The following ZNF776 variants were observed in gnomAD, a reference collection of about 807,000 sequenced individuals.
The protein encoded by ZNF776 is zinc finger protein 776.
Under a neutral mutation model 7.0 loss-of-function variants are expected in ZNF776, and 4 were observed. The ratio of observed to expected loss-of-function variants is 0.57; its 90% CI spans 0.28 to 1.31. The LOEUF (loss-of-function observed/expected upper bound fraction) is 1.31. Among genes scored for constraint, ZNF776 ranks in the 50% most tolerant of loss-of-function variants. The probability of loss-of-function intolerance (pLI) is 0.10; values close to 1 mark genes in which losing one functional copy is unlikely to be tolerated. For synonymous variants in ZNF776, 212 were observed against 213.7 expected (o/e 0.99, Z 0.07); for missense variants, 555 against 625.9 (o/e 0.89, Z 1.21).
Position 57,756,139 on chromosome 19 carries a change from C to T in ZNF776, c.*1452C>T, listed in dbSNP as rs936959165. 2 of 152,136 alleles carry T rather than the reference C, an allele frequency of 1.3e-5. No homozygotes were observed. Among genetic ancestry groups the T allele is most frequent in the African/African-American group, 4.8e-5 (2 of 41,426 alleles). 9.4% of individuals were successfully genotyped at this position (152,136 alleles called of 1,614,324 possible). ...GTGTTGGGCTGCATTCAAAGCTGTCCTGAGATACATGCGGCCCACAAGCTG... is the reference window on the plus strand; with the variant it reads ...GTGTTGGGCTGCATTCAAAGCTGTCTTGAGATACATGCGGCCCACAAGCTG... On this transcript the variant is annotated 3_prime_UTR_variant, in exon 3 of 3. Transcript: ENST00000317178.
intron 1 of ZNF776, among the ~76,000 whole-genome samples, chr19:57,749,694 C>T (rs1375137602): frequency 6.6e-6 from 1 of 152,124 alleles, no homozygotes; most frequent in African/African-American, 2.4e-5. Context: ...GGAGACCAGG[C>T]AGAATTCCTG....
At chr19:57,748,683 G>A (rs1986513429) in intron 1 of ZNF776, among the ~76,000 whole-genome samples, 1 of 152,202 alleles carries the variant, frequency 6.6e-6, no homozygotes, top group Admixed American at 6.5e-5. Flanking sequence ...AGGTAGGTAA[G>A]TGACCATGAT....
At position 57,754,975 on chromosome 19, in the gene ZNF776, C is replaced by G; in HGVS notation, c.*288C>G. ...TTACCTAACAAGAAGTCCCACCTCACTGAACACTACTGAGTTCACAGTTGA... is the reference window on the plus strand; with the variant it reads ...TTACCTAACAAGAAGTCCCACCTCAGTGAACACTACTGAGTTCACAGTTGA... On this transcript the variant is annotated 3_prime_UTR_variant, in exon 3 of 3. Coordinates refer to ENST00000317178, the MANE Select transcript of ZNF776 (RefSeq NM_173632.4). 4.7e-6 allele frequency: 2 copies of G among 428,072 alleles called. No individual in the cohort carries two copies. Among genetic ancestry groups the G allele is most frequent in the Non-Finnish European group, 8.5e-6 (2 of 236,080 alleles). The allele number at this position is 428,072 out of a possible 1,614,324, so 26.5% of individuals were successfully genotyped here.
chr19:57,751,224 T>C (rs1349354573), intron 2 of ZNF776, among the ~76,000 whole-genome samples: 1 of 152,204 alleles, frequency 6.6e-6, no homozygotes, highest in Non-Finnish European at 1.5e-5. Context: ...TATGCACAGG[T>C]TCTACTTCCT....
rs1287831835 is a variant in ZNF776, at chr19:57,757,841, CAGT to C, written c.*3157_*3159del. On this transcript the variant is annotated 3_prime_UTR_variant, in exon 3 of 3. Coordinates refer to ENST00000317178, the MANE Select transcript of ZNF776 (RefSeq NM_173632.4). ...TCACTGAATTACAATATTTGCTTAA[CAGT>C]AGATTAATGTCAATTTTCTGGAATT... 9 of 152,198 alleles carry C rather than the reference CAGT, an allele frequency of 5.9e-5. No individual in the cohort carries two copies. Among genetic ancestry groups the C allele is most frequent in the African/African-American group, 2.2e-4 (9 of 41,454 alleles). The allele number at this position is 152,198 out of a possible 1,614,324, so 9.4% of individuals were successfully genotyped here.
At position 57,753,535 on chromosome 19, in the gene ZNF776, G is replaced by T. The variant is rs1411135200; in HGVS notation, c.405G>T (p.Gln135His). ...CAAACCATCATCAAGACCAGAAGCA[G>T]CACATTGGAGAGAAATCGTACAGAA... is the stretch of plus-strand genomic sequence containing the variant. Reference protein sequence around the residue: ...DDANHHQDQKQHIGEKSYRSN... With the variant: ...DDANHHQDQKHHIGEKSYRSN... The change falls in exon 3 of 3, where the codon CAG (glutamine) becomes CAT (histidine). Residue 135 changes from glutamine (Q) to histidine (H), a missense_variant. Gln to His is a conservative substitution (Grantham distance 24). Coordinates refer to ENST00000317178, the MANE Select transcript of ZNF776 (RefSeq NM_173632.4). The T allele has an allele frequency of 6.2e-7, 1 of 1,614,204 alleles. No homozygotes were observed. The highest frequency in any genetic ancestry group is 1.7e-5 in the Admixed American group (1 of 60,024).
At chr19:57,751,466 ATCC>A (rs1213322660) in intron 2 of ZNF776, among the ~76,000 whole-genome samples, 2 of 152,058 alleles carry the variant, frequency 1.3e-5, no homozygotes, top group Admixed American at 6.5e-5. Context: ...GGCTCAAGCA[ATCC>A]TCCTTCCTCA....
chr19:57,754,640 A>G lies in ZNF776; in HGVS notation c.1510A>G (p.Ile504Val). The change falls in exon 3 of 3, where the codon ATT (isoleucine) becomes GTT (valine). Residue 504 changes from isoleucine to valine, a missense_variant. Coordinates refer to ENST00000317178, the MANE Select transcript of ZNF776 (RefSeq NM_173632.4). ...GTGTTTTCGTCAAAAGGGAAACCTC[A>G]TTAAACATCAACGAGTTCACACGGG... is the stretch of plus-strand genomic sequence containing the variant. ...GKCFRQKGNL[I>V]KHQRVHTGER... is the part of the protein sequence containing the mutation. 3 of 1,613,880 alleles carry G rather than the reference A, an allele frequency of 1.9e-6. No individual in the cohort carries two copies. Among genetic ancestry groups the G allele is most frequent in the East Asian group, 2.2e-5 (1 of 44,872 alleles).
chr19:57,750,939 C>T, intron 2 of ZNF776, 28 bp downstream of exon 2: 3 of 1,590,874 alleles, frequency 1.9e-6, no homozygotes, highest in Non-Finnish European at 1.7e-6. Flanking sequence ...TTCTCTATGA[C>T]CTCAGCTATT....
At position 57,756,304 on chromosome 19, in the gene ZNF776, CCT is replaced by C. The variant is rs1986775378; in HGVS notation, c.*1621_*1622del. The C allele has an allele frequency of 6.6e-6, 1 of 152,124 alleles. No homozygotes were observed. The highest frequency in any genetic ancestry group is 2.4e-5 in the African/African-American group (1 of 41,426). 9.4% of individuals were successfully genotyped at this position (152,124 alleles called of 1,614,324 possible). ...AACTCACCAACCCAAGTACAAGCTG[CCT>C]CTCATTGTTCTGGTTTCTGCTATGA... On this transcript the variant is annotated 3_prime_UTR_variant, in exon 3 of 3. Transcript: ENST00000317178.
rs144625348 is a variant in ZNF776 at position 57,754,099 on chromosome 19, C to T, written c.969C>T (p.Asp323=). The T allele has an allele frequency of 6.4e-4, 1,032 of 1,609,956 alleles. 7 individuals carry two copies. The highest frequency in any genetic ancestry group is 2.9e-4 in the East Asian group (13 of 44,666). Residue 323 remains aspartate (D), a synonymous_variant, in exon 3 of 3, where the codon GAC becomes GAT. Transcript: ENST00000317178. ...CTGGAGAAAGACCTTATGAATGTGA[C>T]GAATGTGGGAAATCTTTTAGCCATA... ...VHTGERPYEC[D]ECGKSFSHKR... is the part of the protein sequence containing the mutation.
Position 57,753,718 on chromosome 19 carries a change from G to A in ZNF776, c.588G>A (p.Lys196=). ...CAGGGAAGTCAAACTTTGAAACTAA[G>A]CATGGGATACCCCTTCAGGGTGGAA... ...HTSGKSNFET[K]HGIPLQGGKT... The change falls in exon 3 of 3, where the codon AAG becomes AAA. Residue 196 remains lysine, a synonymous_variant. Coordinates refer to ENST00000317178, the MANE Select transcript of ZNF776 (RefSeq NM_173632.4). The A allele has an allele frequency of 6.2e-7, 1 of 1,614,188 alleles. No individual in the cohort carries two copies. The highest frequency in any genetic ancestry group is 8.5e-7 in the Non-Finnish European group (1 of 1,180,042).
In ZNF776 at chr19:57,746,958, G is replaced by A. The variant is rs1354071350; in HGVS notation, c.-101G>A. On this transcript the variant is annotated 5_prime_UTR_variant, in exon 1 of 3. Transcript: ENST00000317178. ...GGCTGCTCTGCAGCTCCTTAAAGGC[G>A]CTAGGCGTGACCCGCACCAAGGCCG... 5 of 1,271,812 alleles carry A rather than the reference G, an allele frequency of 3.9e-6. No individual in the cohort carries two copies. The highest frequency in any genetic ancestry group is 4.3e-6 in the Non-Finnish European group (4 of 924,570). 78.8% of individuals were successfully genotyped at this position (1,271,812 alleles called of 1,614,324 possible). A position where few individuals can be genotyped will look rare whatever the true frequency, so the allele number is the denominator to read the frequency against.
Position 57,746,861 on chromosome 19 carries a change from G to C in ZNF776, c.-198G>C. 2.1e-6 allele frequency: 1 copy of C among 467,096 alleles called. No individual in the cohort carries two copies. Among genetic ancestry groups the C allele is most frequent in the Non-Finnish European group, 3.8e-6 (1 of 260,964 alleles). The allele number at this position is 467,096 out of a possible 1,614,324, so 28.9% of individuals were successfully genotyped here. The stretch of plus-strand genomic sequence containing the variant: ...TGGGTGTATTTTCCAGTGAGAGACC[G>C]CGGAGTGTTGGGTCGTGTAGAAGTG... On this transcript the variant is annotated 5_prime_UTR_variant, in exon 1 of 3. Coordinates refer to ENST00000317178, the MANE Select transcript of ZNF776 (RefSeq NM_173632.4).
rs1261283126 is a variant in ZNF776, at chr19:57,755,316, A to G, written c.*629A>G. The G allele has an allele frequency of 6.6e-6, 1 of 152,494 alleles. No individual in the cohort carries two copies. The highest frequency in any genetic ancestry group is 1.5e-5 in the Non-Finnish European group (1 of 68,282). 9.4% of individuals were successfully genotyped at this position (152,494 alleles called of 1,614,324 possible). ...ACATTCACTAGAAGCTCTGCCCTGC[A>G]AGTTCACACTAGAGAAAGCCCTTCT... is the stretch of plus-strand genomic sequence containing the variant. On this transcript the variant is annotated 3_prime_UTR_variant, in exon 3 of 3. Transcript: ENST00000317178.
At position 57,757,334 on chromosome 19, in the gene ZNF776, A is replaced by G. The variant is rs1025506442; in HGVS notation, c.*2647A>G. On this transcript the variant is annotated 3_prime_UTR_variant, in exon 3 of 3. Coordinates refer to ENST00000317178, the MANE Select transcript of ZNF776 (RefSeq NM_173632.4). ...TTAGGTCATTGTCAGACTAAATCTAAAGGTTTTGTGGATTTCTGTAGCCTA... is the reference window on the plus strand; with the variant it reads ...TTAGGTCATTGTCAGACTAAATCTAGAGGTTTTGTGGATTTCTGTAGCCTA... The G allele has an allele frequency of 6.6e-6, 1 of 152,442 alleles. No individual in the cohort carries two copies. Among genetic ancestry groups the G allele is most frequent in the African/African-American group, 2.4e-5 (1 of 41,440 alleles). 9.4% of individuals were successfully genotyped at this position (152,442 alleles called of 1,614,324 possible). A position where few individuals can be genotyped will look rare whatever the true frequency, so the allele number is the denominator to read the frequency against.
rs1279213054 is a variant in ZNF776 at position 57,746,990 on chromosome 19, G to A, written c.-69G>A. On this transcript the variant is annotated 5_prime_UTR_variant, in exon 1 of 3. Transcript: ENST00000317178. ...GTGACCCGCACCAAGGCCGGGATCG[G>A]GACCACCGTGCCCGGGTACCTGCAC... 1.4e-6 allele frequency: 2 copies of A among 1,473,020 alleles called. No individual in the cohort carries two copies. The highest frequency in any genetic ancestry group is 2.2e-5 in the Admixed American group (1 of 45,394). 91.2% of individuals were successfully genotyped at this position (1,473,020 alleles called of 1,614,324 possible). A position where few individuals can be genotyped will look rare whatever the true frequency, so the allele number is the denominator to read the frequency against.
At chr19:57,751,873 T>TTTC (rs1555764028) in intron 2 of ZNF776, among the ~76,000 whole-genome samples, 1 of 112,340 alleles carries the variant, frequency 8.9e-6, no homozygotes, top group East Asian at 2.5e-4. Flanking sequence ...GTTTTGTTTT[T>TTTC]TTTTTTTTTT....
intron 1 of ZNF776, 94 bp from the exon 2 acceptor site, chr19:57,750,691 T>C: frequency 6.9e-7 from 1 of 1,454,700 alleles, no homozygotes. Context: ...AGTTTCTCCT[T>C]GTAGTTTAGG....
Sources: gnomAD v4.1 joint callset for allele counts (sites outside exome capture counted in the v4.1 genomes callset) on GRCh38, gnomAD v4.1.1 for gene constraint, MANE v1.5 for transcripts, NCBI Gene and HGNC (gene_info 2026-07-23, HGNC 2026-07-21) for gene names.